Variants in NPAS3 observed in about 807,000 individuals in gnomAD.
The protein encoded by NPAS3 is neuronal PAS domain-containing protein 3.
A neutral mutation model predicts 73.1 loss-of-function variants in NPAS3; 14 were observed. The ratio of observed to expected loss-of-function variants is 0.19; its 90% CI spans 0.13 to 0.30. The LOEUF (loss-of-function observed/expected upper bound fraction) is 0.30. Ranked by LOEUF, NPAS3 falls within the 10% of genes least tolerant of loss-of-function variation. NPAS3 has a pLI of 1.00. For missense variants in NPAS3, 1,096 were observed against 1,250.0 expected, an observed-to-expected ratio of 0.88 and a Z score of 1.86; for synonymous variants, 620 against 541.5, an observed-to-expected ratio of 1.14 and a Z score of -2.01.
intron 2 of NPAS3, among the ~76,000 whole-genome samples, chr14:33,151,478 G>A (rs1479444700): frequency 2.0e-5 from 3 of 152,218 alleles, no homozygotes; most frequent in African/African-American, 4.8e-5. Flanking sequence ...AGAGGGTGAT[G>A]AGAATGTGCA....
chr14:33,420,974 C>T (rs1191280330), intron 4 of NPAS3, among the ~76,000 whole-genome samples: 4 of 151,888 alleles, frequency 2.6e-5, no homozygotes, highest in East Asian at 3.9e-4. Flanking sequence ...GCAAGAGGAG[C>T]TCATTGAGCC....
In NPAS3 at chr14:33,528,687, G is replaced by GA. The variant is rs529632165; in HGVS notation, c.469-31433dup. Reference sequence around the variant, plus strand: ...GCATTTACCCAGTGGACCAGCAAGGGAGGTAGTAGGTGACAGCGTCAGTGA... The same window carrying GA: ...GCATTTACCCAGTGGACCAGCAAGGGAAGGTAGTAGGTGACAGCGTCAGTGA... On this transcript the variant is annotated intron_variant, in intron 4 of 11. Coordinates refer to ENST00000356141, the Ensembl canonical transcript of NPAS3. Among the ~76,000 whole-genome samples the GA allele has an allele frequency of 9.9e-5, 15 of 152,218 alleles. No individual in the cohort carries two copies. The East Asian group carries it at 2.7e-3, about 28-fold the overall frequency.
rs1332263247 is a variant in NPAS3, at chr14:33,287,951, GT to G, written c.385+72532del. 7.9e-5 allele frequency among the ~76,000 whole-genome samples: 12 copies of G among 151,566 alleles called. No homozygotes were observed. In the East Asian group the frequency reaches 2.1e-3, roughly 27 times the overall value. ...GTTTGCAAGTAACTTTGTGTATGCA[GT>G]TTTTTTCTTCCCTCAAAATCAGTTT... On this transcript the variant is annotated intron_variant, in intron 3 of 11. Transcript: ENST00000356141.
chr14:33,019,953 T>G (rs932365373), intron 1 of NPAS3, among the ~76,000 whole-genome samples: 3 of 152,236 alleles, frequency 2.0e-5, no homozygotes, highest in African/African-American at 7.2e-5. Context: ...ATGAGTCTCT[T>G]TTCCATCCGA....
chr14:33,115,214 T>A (rs183197454), intron 2 of NPAS3, among the ~76,000 whole-genome samples: 87 of 152,264 alleles, frequency 5.7e-4, no homozygotes, highest in Admixed American at 1.2e-3. Context: ...GGCTGTTCAC[T>A]TTGATAGTTG....
At chr14:33,612,203 C>T (rs1469368702) in intron 5 of NPAS3, among the ~76,000 whole-genome samples, 2 of 152,232 alleles carry the variant, frequency 1.3e-5, no homozygotes, top group East Asian at 3.9e-4. Context: ...AAGGCCCCTG[C>T]CGGGGAGAAT....
chr14:33,339,159 CATTT>C (rs1317746910), intron 3 of NPAS3, among the ~76,000 whole-genome samples: 1 of 152,118 alleles, frequency 6.6e-6, no homozygotes, highest in African/African-American at 2.4e-5. Context: ...GTTAGCCTGC[CATTT>C]ATTTATTATT....
intron 1 of NPAS3, among the ~76,000 whole-genome samples, chr14:32,945,819 G>A (rs906919505): frequency 6.6e-6 from 1 of 152,194 alleles, no homozygotes; most frequent in African/African-American, 2.4e-5. Flanking sequence ...TACTATCCCA[G>A]TAGTTTTGTG....
intron 9 of NPAS3, among the ~76,000 whole-genome samples, chr14:33,792,824 A>T (rs117773622): frequency 1.3e-5 from 2 of 152,332 alleles, no homozygotes; most frequent in South Asian, 2.1e-4. Flanking sequence ...AGGCAAGGAC[A>T]TGCCAAAAGT....
intron 7 of NPAS3, among the ~76,000 whole-genome samples, chr14:33,765,262 T>C (rs1435816242): frequency 6.6e-6 from 1 of 151,722 alleles, no homozygotes; most frequent in African/African-American, 2.4e-5. Flanking sequence ...TTAAAAATAA[T>C]TTTTTATTTG....
At chr14:33,375,344 G>A (rs2046268070) in intron 4 of NPAS3, among the ~76,000 whole-genome samples, 1 of 152,164 alleles carries the variant, frequency 6.6e-6, no homozygotes, top group Admixed American at 6.6e-5. Context: ...ACAAACTGGA[G>A]TGCTACATTG....
At chr14:33,426,839 T>G (rs1404141164) in intron 4 of NPAS3, among the ~76,000 whole-genome samples, 2 of 152,050 alleles carry the variant, frequency 1.3e-5, no homozygotes, top group Admixed American at 6.6e-5. Context: ...ATGGAAAGTT[T>G]GAGATTTGTT....
chr14:33,258,748 A>G (rs930535337), intron 3 of NPAS3, among the ~76,000 whole-genome samples: 1 of 152,162 alleles, frequency 6.6e-6, no homozygotes, highest in Non-Finnish European at 1.5e-5. Context: ...CTCATTATAA[A>G]TCTTCCAACT....
At position 32,991,124 on chromosome 14, in the gene NPAS3, C is replaced by T. The variant is rs548830521; in HGVS notation, c.50+51758C>T. Among the ~76,000 whole-genome samples, 12 of 148,180 alleles carry T rather than the reference C, an allele frequency of 8.1e-5. No individual in the cohort carries two copies. In the South Asian group the frequency reaches 1.9e-3, roughly 24 times the overall value. The stretch of plus-strand genomic sequence containing the variant: ...TAGCTGGGACTACAGACAAGTGTTA[C>T]CATGCCTGATTAATTTTTTAATTTT... On this transcript the variant is annotated intron_variant, in intron 1 of 11. Coordinates refer to ENST00000356141, the Ensembl canonical transcript of NPAS3.
At chr14:33,666,354 A>G (rs533452150) in intron 5 of NPAS3, among the ~76,000 whole-genome samples, 1 of 152,270 alleles carries the variant, frequency 6.6e-6, no homozygotes, top group African/African-American at 2.4e-5. Flanking sequence ...TTTCTCTGTG[A>G]GGAGTCAGAA....
intron 2 of NPAS3, among the ~76,000 whole-genome samples, chr14:33,071,044 C>G (rs546808319): frequency 6.6e-6 from 1 of 152,220 alleles, no homozygotes; most frequent in South Asian, 2.1e-4. Flanking sequence ...TATCAGTTTT[C>G]CTAGGTTTGT....
intron 3 of NPAS3, among the ~76,000 whole-genome samples, chr14:33,282,094 T>C (rs1352588286): frequency 6.6e-6 from 1 of 152,196 alleles, no homozygotes; most frequent in African/African-American, 2.4e-5. Context: ...GCAGTAATGC[T>C]AAAGCCAGTC....
At chr14:32,945,769 G>C (rs1367018837) in intron 1 of NPAS3, among the ~76,000 whole-genome samples, 1 of 152,188 alleles carries the variant, frequency 6.6e-6, no homozygotes, top group Non-Finnish European at 1.5e-5. Flanking sequence ...TATGAAATTA[G>C]AGAAAGAATC....
chr14:32,935,039 G>T, upstream of NPAS3: 1 of 1,222,276 alleles, frequency 8.2e-7, no homozygotes, highest in Non-Finnish European at 1.0e-6. Flanking sequence ...TAGTGCCCCC[G>T]CCCCGGGGTG....
Sources: gnomAD v4.1 joint callset for allele counts (sites outside exome capture counted in the v4.1 genomes callset) on GRCh38, gnomAD v4.1.1 for gene constraint, MANE v1.5 for transcripts, NCBI Gene and HGNC (gene_info 2026-07-23, HGNC 2026-07-21) for gene names.